LTBP1: variants seen among roughly 807,000 people sequenced by gnomAD.
LTBP1 encodes the protein latent transforming growth factor beta binding protein 1.
LTBP1 carries 129 observed loss-of-function variants against 207.6 expected under a neutral mutation model. The ratio of observed to expected loss-of-function variants is 0.62; its 90% CI spans 0.54 to 0.72. The LOEUF (loss-of-function observed/expected upper bound fraction) is 0.72, where lower values mean the gene tolerates loss of function less well. Among genes scored for constraint, LTBP1 ranks in the 30% least tolerant of loss-of-function variants. LTBP1 has a pLI of 0.00. For synonymous variants in LTBP1, 963 were observed against 833.7 expected (o/e 1.16, Z -2.67); for missense variants, 2,281 against 2,217.2 (o/e 1.03, Z -0.58).
chr2:32,958,444 A>T (rs1275162605), intron 2 of LTBP1, among the ~76,000 whole-genome samples: 1 of 152,068 alleles, frequency 6.6e-6, no homozygotes, highest in Non-Finnish European at 1.5e-5. Flanking sequence ...CCCTAAGCAG[A>T]TTCTATTTGA....
rs60814239 is a variant in LTBP1 at position 33,055,574 on chromosome 2, A to G, written c.863+34368A>G. ...CTATCATTTACTTGACTAAGATACC[A>G]GGTGTCTCCAAACTCTTGGGCTGCA... On this transcript the variant is annotated intron_variant, in intron 3 of 33. Coordinates refer to ENST00000404816, the MANE Select transcript of LTBP1 (RefSeq NM_206943.4). Among the ~76,000 whole-genome samples the G allele has an allele frequency of 1.3e-3, 203 of 152,296 alleles. 1 individual carries two copies. Among genetic ancestry groups the G allele is most frequent in the African/African-American group, 4.8e-3 (200 of 41,568 alleles).
chr2:32,961,824 T>C (rs1489915405), intron 2 of LTBP1, among the ~76,000 whole-genome samples: 2 of 151,708 alleles, frequency 1.3e-5, no homozygotes, highest in Non-Finnish European at 2.9e-5. Context: ...TGGGCGCCGG[T>C]AATCCCAGAT....
chr2:33,210,960 T>C (rs2090265215), intron 7 of LTBP1, among the ~76,000 whole-genome samples: 2 of 152,214 alleles, frequency 1.3e-5, no homozygotes, highest in Non-Finnish European at 2.9e-5. Context: ...TCTCTACAAG[T>C]ATTTTTTGAA....
chr2:33,150,051 A>G (rs749949561), intron 5 of LTBP1, among the ~76,000 whole-genome samples: 4 of 152,238 alleles, frequency 2.6e-5, no homozygotes, highest in African/African-American at 4.8e-5. Flanking sequence ...TTGAAAAAAG[A>G]AAAACCTCTT....
intron 7 of LTBP1, among the ~76,000 whole-genome samples, chr2:33,190,494 A>G (rs958042595): frequency 7.2e-5 from 11 of 152,178 alleles, no homozygotes; most frequent in Non-Finnish European, 1.0e-4. Context: ...CCTGAATGGA[A>G]GGCAGCATAT....
chr2:33,229,131 G>T (rs544298907), intron 9 of LTBP1, among the ~76,000 whole-genome samples: 1 of 152,228 alleles, frequency 6.6e-6, no homozygotes, highest in South Asian at 2.1e-4. Context: ...AGAGCTAATA[G>T]AAGTCAAAGC....
chr2:33,061,327 T>G (rs2077262604), intron 3 of LTBP1: 1 of 152,290 alleles, frequency 6.6e-6, no homozygotes, highest in Non-Finnish European at 1.5e-5. Context: ...TTGCTTATAG[T>G]GTTATTTTTA....
chr2:33,261,631 G>C (rs2093012619), intron 13 of LTBP1, among the ~76,000 whole-genome samples: 1 of 152,160 alleles, frequency 6.6e-6, no homozygotes, highest in African/African-American at 2.4e-5. Context: ...AGGACTAAAA[G>C]GTGACTTTAA....
intron 15 of LTBP1, among the ~76,000 whole-genome samples, chr2:33,271,724 G>T (rs573759324): frequency 1.3e-5 from 2 of 152,244 alleles, no homozygotes; most frequent in South Asian, 2.1e-4. Flanking sequence ...CTTCTTTTCT[G>T]TGTGTATTGT....
intron 2 of LTBP1, among the ~76,000 whole-genome samples, chr2:33,017,909 G>T (rs1038357045): frequency 6.6e-6 from 1 of 152,256 alleles, no homozygotes; most frequent in Non-Finnish European, 1.5e-5. Flanking sequence ...GTCAGATGAC[G>T]GGCTTCTCTT....
intron 2 of LTBP1, among the ~76,000 whole-genome samples, chr2:32,980,373 C>T (rs1010468884): frequency 2.6e-5 from 4 of 152,070 alleles, no homozygotes; most frequent in Non-Finnish European, 5.9e-5. Context: ...GTCTTATAAA[C>T]ATTATTTTAA....
At chr2:32,986,775 G>A (rs552685689) in intron 2 of LTBP1, among the ~76,000 whole-genome samples, 2 of 152,308 alleles carry the variant, frequency 1.3e-5, no homozygotes, top group South Asian at 4.1e-4. Context: ...TTTTCTCCAT[G>A]TGACATCAAA....
chr2:32,964,398 A>G (rs780237878), intron 2 of LTBP1, among the ~76,000 whole-genome samples: 2 of 152,166 alleles, frequency 1.3e-5, no homozygotes, highest in African/African-American at 4.8e-5. Flanking sequence ...ATGCAAAGAC[A>G]TGTCACTTGA....
At chr2:33,228,899 C>A (rs1283960227) in intron 9 of LTBP1, among the ~76,000 whole-genome samples, 18 of 151,640 alleles carry the variant, frequency 1.2e-4, no homozygotes, top group African/African-American at 4.4e-4. Context: ...CAGGGTTTCA[C>A]CATGTTTGCC....
intron 2 of LTBP1, among the ~76,000 whole-genome samples, chr2:32,959,621 A>ATATATATATTTTTTTTTTTTTT (rs1475834284): frequency 2.7e-5 from 1 of 36,666 alleles, no homozygotes; most frequent in African/African-American, 9.6e-5. Flanking sequence ...ATATATATAT[A>ATATATATATTTTTTTTTTTTTT]TTTTTTTTTT....
At chr2:33,217,188 G>T (rs145808441) in intron 7 of LTBP1, among the ~76,000 whole-genome samples, 2,285 of 152,226 alleles carry the variant, frequency 0.015, 174 homozygotes, top group Admixed American at 0.13. Flanking sequence ...CCACACAAGA[G>T]ATTTAAACAG....
intron 24 of LTBP1, among the ~76,000 whole-genome samples, chr2:33,325,534 A>G (rs912061963): frequency 6.6e-6 from 1 of 152,230 alleles, no homozygotes; most frequent in African/African-American, 2.4e-5. Context: ...TATTTTTCTT[A>G]ATCCCAGATA....
intron 3 of LTBP1, among the ~76,000 whole-genome samples, chr2:33,103,612 TGTGTGTGTGTGTGTGA>T (rs1273178876): frequency 0.013 from 1,872 of 144,542 alleles, 15 homozygotes; most frequent in Non-Finnish European, 0.019. Context: ...TGTGTGTGTG[TGTGTGTGTGTGTGTGA>T]GTGTTATGCT....
Position 33,182,701 on chromosome 2 carries a change from C to CTATATATAT in LTBP1, c.1202-4155_1202-4154insTATATATAT, listed in dbSNP as rs2086778892. ...GAAAAGATGGTGATATATATATATA[C>CTATATATAT]ACACACACACACACACACACACACA... On this transcript the variant is annotated intron_variant, in intron 5 of 33. Coordinates refer to ENST00000404816, the MANE Select transcript of LTBP1 (RefSeq NM_206943.4). 9.4e-5 allele frequency among the ~76,000 whole-genome samples: 4 copies of CTATATATAT among 42,648 alleles called. 1 individual carries two copies. The highest frequency in any genetic ancestry group is 3.7e-4 in the African/African-American group (4 of 10,696). 28.0% of individuals were successfully genotyped at this position (42,648 alleles called of 152,430 possible). A position where few individuals can be genotyped will look rare whatever the true frequency, so the allele number is the denominator to read the frequency against.
Sources: gnomAD v4.1 joint callset for allele counts (sites outside exome capture counted in the v4.1 genomes callset) on GRCh38, gnomAD v4.1.1 for gene constraint, MANE v1.5 for transcripts, NCBI Gene and HGNC (gene_info 2026-07-23, HGNC 2026-07-21) for gene names.